Variants in MAP4K1 observed in about 807,000 individuals in gnomAD.
MAP4K1 encodes the protein mitogen-activated protein kinase kinase kinase kinase 1.
MAP4K1 carries 35 observed loss-of-function variants against 122.8 expected under a neutral mutation model. The observed-to-expected ratio is 0.29, with a 90% confidence interval of 0.22 to 0.38. MAP4K1 has a LOEUF of 0.38. Ranked by LOEUF, MAP4K1 falls within the 10% of genes least tolerant of loss-of-function variation. The probability of loss-of-function intolerance (pLI) is 1.00; values close to 1 mark genes in which losing one functional copy is unlikely to be tolerated. For missense variants in MAP4K1, 791 were observed against 1,072.6 expected (o/e 0.74, Z 3.67); for synonymous variants, 412 against 421.3 (o/e 0.98, Z 0.27).
chr19:38,597,381 C>T lies in MAP4K1; in HGVS notation c.1782G>A (p.Lys594=). 1 of 1,614,052 alleles carries T rather than the reference C, an allele frequency of 6.2e-7. No homozygotes were observed. The highest frequency in any genetic ancestry group is 1.1e-5 in the South Asian group (1 of 91,084). The change falls in exon 24 of 31, where the codon AAG becomes AAA. Residue 594 remains lysine, a synonymous_variant. Coordinates refer to ENST00000396857, the MANE Select transcript of MAP4K1 (RefSeq NM_001042600.3). The surrounding 1 kb of genome is among the most constrained non-coding windows in gnomAD (Gnocchi z 4.6). ...HISPHRLLAR[K]NMVSTKIQDT... ...CCTGGATCTTGGTGGAAACCATGTT[C>T]TTCCTGGAGAATAGGTAGGTGTGAA...
At chr19:38,596,944 G>T in intron 25 of MAP4K1, 90 bp downstream of exon 25, 1 of 1,243,328 alleles carries the variant, frequency 8.0e-7, no homozygotes, top group Non-Finnish European at 1.2e-6. Context: ...CGGAGGTGGG[G>T]CTTCATGGAG....
intron 19 of MAP4K1, among the ~76,000 whole-genome samples, chr19:38,603,504 A>T (rs1244225910): frequency 2.0e-5 from 3 of 151,812 alleles, no homozygotes; most frequent in Non-Finnish European, 4.4e-5. Context: ...TATGCATTTC[A>T]TCTTTGAATC....
At chr19:38,604,484 C>T (rs1293351951) in intron 19 of MAP4K1, among the ~76,000 whole-genome samples, 2 of 152,066 alleles carry the variant, frequency 1.3e-5, no homozygotes, top group Non-Finnish European at 1.5e-5. Flanking sequence ...GCCACCACGC[C>T]CAGCTAATTT....
At chr19:38,601,387 T>G in intron 20 of MAP4K1, 54 bp downstream of exon 20, 2 of 1,496,630 alleles carry the variant, frequency 1.3e-6, no homozygotes, top group South Asian at 1.2e-5. Flanking sequence ...TCCCCACCCC[T>G]ACTTTTGCTC....
chr19:38,595,701 C>A lies in MAP4K1; in HGVS notation c.2208G>T (p.Gly736=). Residue 736 remains glycine, a synonymous_variant, in exon 28 of 31, where the codon GGG becomes GGT. Coordinates refer to ENST00000396857, the MANE Select transcript of MAP4K1 (RefSeq NM_001042600.3). Reference sequence around the variant, plus strand: ...GTGTGCGAAGTCCCCGGACTGGGGACCCCTCCGGGGTCACCAGCTTCACAG... The same window carrying A: ...GTGTGCGAAGTCCCCGGACTGGGGAACCCTCCGGGGTCACCAGCTTCACAG... ...DGSVKLVTPE[G]SPVRGLRTPE... 6.2e-7 allele frequency: 1 copy of A among 1,611,646 alleles called. No individual in the cohort carries two copies. Among genetic ancestry groups the A allele is most frequent in the South Asian group, 1.1e-5 (1 of 90,810 alleles).
chr19:38,590,951 TATTC>T (rs1455070329), intron 30 of MAP4K1, among the ~76,000 whole-genome samples: 1 of 150,372 alleles, frequency 6.7e-6, no homozygotes, highest in African/African-American at 2.5e-5. Context: ...CATTCCCAAA[TATTC>T]ATTAAAAAAT....
intron 30 of MAP4K1, among the ~76,000 whole-genome samples, chr19:38,590,395 A>T (rs1974685326): frequency 5.1e-5 from 1 of 19,490 alleles, no homozygotes; most frequent in African/African-American, 2.5e-4. Flanking sequence ...AAAAAAAAAA[A>T]TATATATATA....
At position 38,614,311 on chromosome 19, in the gene MAP4K1, A is replaced by G; in HGVS notation, c.370-19T>C. The G allele has an allele frequency of 1.2e-6, 2 of 1,614,136 alleles. No homozygotes were observed. The highest frequency in any genetic ancestry group is 1.7e-6 in the Non-Finnish European group (2 of 1,179,986). On this transcript the variant is annotated intron_variant, in intron 5 of 30. Transcript: ENST00000396857. The stretch of plus-strand genomic sequence containing the variant: ...CCAGTCCCTGGGGAGAAGGGTGGAC[A>G]AGGGGACAGTGAGTGTTTGGGGGCT...
At chr19:38,602,811 T>C (rs916204896) in intron 19 of MAP4K1, among the ~76,000 whole-genome samples, 20 of 145,180 alleles carry the variant, frequency 1.4e-4, no homozygotes, top group East Asian at 4.4e-4. Context: ...CATATATACA[T>C]ATATACACAT....
At chr19:38,605,261 G>A (rs1303311530) in intron 19 of MAP4K1, 148 bp downstream of exon 19, 5 of 629,048 alleles carry the variant, frequency 7.9e-6, no homozygotes, top group Non-Finnish European at 1.4e-5. Context: ...TTTATGCCAT[G>A]TAATGATAGG....
intron 30 of MAP4K1, among the ~76,000 whole-genome samples, chr19:38,589,772 A>T (rs541834460): frequency 6.6e-6 from 1 of 152,142 alleles, no homozygotes; most frequent in Non-Finnish European, 1.5e-5. Flanking sequence ...ACCCCTGCCT[A>T]TAAGCCCAGC....
chr19:38,600,462 CCT>C (rs1219444762), intron 20 of MAP4K1, among the ~76,000 whole-genome samples: 2 of 152,042 alleles, frequency 1.3e-5, no homozygotes, highest in South Asian at 4.1e-4. Context: ...GATTTCCTCC[CCT>C]CTTTCTCCCC....
At chr19:38,616,966 G>A (rs1273147725) in intron 3 of MAP4K1, among the ~76,000 whole-genome samples, 3 of 152,046 alleles carry the variant, frequency 2.0e-5, no homozygotes, top group Non-Finnish European at 4.4e-5. Flanking sequence ...AGGGTGCCAA[G>A]ACCAGGCGCG....
intron 4 of MAP4K1, among the ~76,000 whole-genome samples, chr19:38,615,807 GCCA>G (rs1245696865): frequency 6.6e-6 from 1 of 152,050 alleles, no homozygotes; most frequent in African/African-American, 2.4e-5. Context: ...ACAGGCGTCT[GCCA>G]CCACGCCCGG....
chr19:38,596,397 C>T lies in MAP4K1; in HGVS notation c.2031G>A (p.Val677=), dbSNP rs1441343529. 1.4e-5 allele frequency: 23 copies of T among 1,595,722 alleles called. No individual in the cohort carries two copies. The highest frequency in any genetic ancestry group is 1.7e-5 in the Non-Finnish European group (20 of 1,174,888). ...CCGACTTCCCCGGCCGCCCGGGGCT[C>T]ACGCCGATGCACACAGCGGGCAGCT... ...GSELPAVCIG[V]SPGRPGKSVL... Residue 677 remains valine, a synonymous_variant, in exon 26 of 31, where the codon GTG becomes GTA. Coordinates refer to ENST00000396857, the MANE Select transcript of MAP4K1 (RefSeq NM_001042600.3).
In MAP4K1 at chr19:38,593,317, G is replaced by A. The variant is rs1171508116; in HGVS notation, c.2361C>T (p.Asp787=). ...GSDQLLQELR[D]PTLTFRLLGS... is the part of the protein sequence containing the mutation. ...CAAGCAGACGGAAAGTGAGGGTAGG[G>A]TCTCTCAGCTCCTGTAGCAGCTAGG... The change falls in exon 30 of 31, where the codon GAC becomes GAT. Residue 787 remains aspartate, a synonymous_variant. Transcript: ENST00000396857. 2 of 1,612,036 alleles carry A rather than the reference G, an allele frequency of 1.2e-6. No homozygotes were observed. The highest frequency in any genetic ancestry group is 1.7e-6 in the Non-Finnish European group (2 of 1,179,022).
intron 19 of MAP4K1, among the ~76,000 whole-genome samples, chr19:38,605,190 A>G (rs1599709467): frequency 1.3e-5 from 2 of 151,808 alleles, no homozygotes; most frequent in East Asian, 3.9e-4. Context: ...CTGTGCTTCA[A>G]TTTCCCCATT....
chr19:38,609,716 G>A, intron 12 of MAP4K1, 42 bp from the exon 13 acceptor site: 1 of 1,564,180 alleles, frequency 6.4e-7, no homozygotes, highest in Non-Finnish European at 8.7e-7. Context: ...AGACCCCCAA[G>A]CAGCCTCCTA....
At chr19:38,609,718 A>G (rs1975438550) in intron 12 of MAP4K1, 44 bp from the exon 13 acceptor site, 1 of 1,560,458 alleles carries the variant, frequency 6.4e-7, no homozygotes, top group Non-Finnish European at 8.7e-7. Flanking sequence ...ACCCCCAAGC[A>G]GCCTCCTACC....
Sources: allele counts gnomAD v4.1 joint callset (sites outside exome capture counted in the v4.1 genomes callset), GRCh38; gene constraint gnomAD v4.1.1; non-coding constraint Gnocchi (gnomAD v3.1); transcripts MANE v1.5; gene names NCBI Gene and HGNC (gene_info 2026-07-23, HGNC 2026-07-21).